The following PRKN variants were observed in gnomAD, a reference collection of about 807,000 sequenced individuals.
PRKN encodes the protein E3 ubiquitin-protein ligase parkin.
Under a neutral mutation model 59.5 loss-of-function variants are expected in PRKN, and 56 were observed. That is an observed-to-expected ratio of 0.94 (90% CI 0.76 to 1.18). The LOEUF (loss-of-function observed/expected upper bound fraction) is 1.18. PRKN is among the 50% of genes most tolerant of loss of function. The pLI is 0.00. For missense variants in PRKN, 657 were observed against 596.4 expected, an observed-to-expected ratio of 1.10 and a Z score of -1.06; for synonymous variants, 250 against 222.1, an observed-to-expected ratio of 1.13 and a Z score of -1.12.
intron 1 of PRKN, among the ~76,000 whole-genome samples, chr6:162,599,736 A>T (rs1781628804): frequency 6.6e-6 from 1 of 152,178 alleles, no homozygotes; most frequent in African/African-American, 2.4e-5. Context: ...GTCAGCGTAA[A>T]TATGAAGCAG....
intron 7 of PRKN, among the ~76,000 whole-genome samples, chr6:161,654,458 C>A (rs558391837): frequency 6.6e-6 from 1 of 152,106 alleles, no homozygotes; most frequent in Admixed American, 6.5e-5. Context: ...AAGCCTGGCC[C>A]CTGCAATGCC....
chr6:162,583,307 T>C (rs530007584), intron 1 of PRKN, among the ~76,000 whole-genome samples: 3 of 152,348 alleles, frequency 2.0e-5, no homozygotes, highest in South Asian at 2.1e-4. Flanking sequence ...ACAATGACCA[T>C]TCTATGTGGC....
chr6:162,294,169 A>G (rs2128110378), intron 2 of PRKN, among the ~76,000 whole-genome samples: 1 of 152,228 alleles, frequency 6.6e-6, no homozygotes, highest in South Asian at 2.1e-4. Context: ...CAAATGTACT[A>G]AGAGTTCATG....
intron 5 of PRKN, among the ~76,000 whole-genome samples, chr6:162,020,816 T>C (rs1030922367): frequency 6.6e-6 from 1 of 151,972 alleles, no homozygotes; most frequent in Admixed American, 6.5e-5. Flanking sequence ...TGTTAAAATA[T>C]GTAATGGGCC....
At position 161,634,642 on chromosome 6, in the gene PRKN, G is replaced by T. The variant is rs140889151; in HGVS notation, c.872-65226C>A. 3.8e-3 allele frequency among the ~76,000 whole-genome samples: 578 copies of T among 152,222 alleles called. 4 individuals are homozygous for T. Among genetic ancestry groups the T allele is most frequent in the African/African-American group, 0.013 (535 of 41,552 alleles). On this transcript the variant is annotated intron_variant, in intron 7 of 11. Transcript: ENST00000366898. ...CGAGGATGGAAGTTGAGGTGGGCTC[G>T]CCATCCTTTGGGGTTGGTCTTCCCA... is the stretch of plus-strand genomic sequence containing the variant.
intron 2 of PRKN, among the ~76,000 whole-genome samples, chr6:162,281,523 C>T (rs928142768): frequency 6.6e-6 from 1 of 152,040 alleles, no homozygotes; most frequent in Admixed American, 6.6e-5. Flanking sequence ...ATCTAACCTG[C>T]TATATCCTAC....
At chr6:161,590,258 G>A (rs565947469) in intron 7 of PRKN, among the ~76,000 whole-genome samples, 2 of 152,260 alleles carry the variant, frequency 1.3e-5, no homozygotes, top group South Asian at 4.1e-4. Context: ...GACACTGTGT[G>A]CCTACTGAGA....
intron 9 of PRKN, among the ~76,000 whole-genome samples, chr6:161,507,140 T>G (rs1355893486): frequency 2.0e-5 from 3 of 152,208 alleles, no homozygotes; most frequent in East Asian, 3.8e-4. Context: ...TCCTGAAAGA[T>G]CTGAACTTTT....
At chr6:161,757,904 C>T (rs535353051) in intron 7 of PRKN, among the ~76,000 whole-genome samples, 13 of 115,080 alleles carry the variant, frequency 1.1e-4, no homozygotes, top group East Asian at 1.1e-3. Flanking sequence ...CACACACACA[C>T]ACACACACAC....
At chr6:162,294,117 T>TAC (rs77718164) in intron 2 of PRKN, among the ~76,000 whole-genome samples, 4,166 of 151,270 alleles carry the variant, frequency 0.028, 200 homozygotes, top group African/African-American at 0.096. Flanking sequence ...AGAGGCATCA[T>TAC]TGGGAGGCAG....
chr6:161,411,366 T>C (rs980694071), intron 9 of PRKN, among the ~76,000 whole-genome samples: 3 of 152,202 alleles, frequency 2.0e-5, no homozygotes, highest in Non-Finnish European at 4.4e-5. Flanking sequence ...CCTGCCGCCA[T>C]GTAAGACATG....
chr6:161,978,873 G>A (rs1011262150), intron 5 of PRKN, among the ~76,000 whole-genome samples: 4 of 152,222 alleles, frequency 2.6e-5, no homozygotes, highest in Admixed American at 2.6e-4. Context: ...GAGTATTCTG[G>A]GGGAGCAGCC....
At chr6:162,304,604 C>A (rs969840498) in intron 2 of PRKN, among the ~76,000 whole-genome samples, 5 of 150,450 alleles carry the variant, frequency 3.3e-5, no homozygotes, top group Admixed American at 2.0e-4. Flanking sequence ...TCTATACTTC[C>A]CCCACACTTA....
intron 9 of PRKN, among the ~76,000 whole-genome samples, chr6:161,443,329 C>T (rs1407652561): frequency 6.9e-6 from 1 of 144,276 alleles, no homozygotes; most frequent in Non-Finnish European, 1.5e-5. Context: ...AAAAAAAAAT[C>T]AGGGAGTGAA....
At chr6:161,479,478 CA>C (rs1279049337) in intron 9 of PRKN, among the ~76,000 whole-genome samples, 1 of 152,034 alleles carries the variant, frequency 6.6e-6, no homozygotes, top group Non-Finnish European at 1.5e-5. Flanking sequence ...AATCAGAACG[CA>C]AGCAGCAATG....
At chr6:161,677,938 T>C (rs947039705) in intron 7 of PRKN, among the ~76,000 whole-genome samples, 8 of 152,184 alleles carry the variant, frequency 5.3e-5, no homozygotes, top group Non-Finnish European at 1.2e-4. Context: ...TGAAGTGAAC[T>C]GGGCAAAAAA....
At position 161,488,498 on chromosome 6, in the gene PRKN, A is replaced by C. The variant is rs1777418961; in HGVS notation, c.1083+60356T>G. Among the ~76,000 whole-genome samples, 1 of 152,200 alleles carries C rather than the reference A, an allele frequency of 6.6e-6. No individual in the cohort carries two copies. The highest frequency in any genetic ancestry group is 2.4e-5 in the African/African-American group (1 of 41,454). On this transcript the variant is annotated intron_variant, in intron 9 of 11. Transcript: ENST00000366898. This position sits in a 1 kb window ranked among gnomAD's most constrained non-coding sequence, Gnocchi z 4.5. ...CATCTGAATTTATTATATTTTAATT[A>C]ATTTTTTTAGAGATAGGGTCTTCCT...
intron 9 of PRKN, among the ~76,000 whole-genome samples, chr6:161,406,428 C>T (rs555194785): frequency 2.6e-5 from 4 of 152,132 alleles, no homozygotes; most frequent in Admixed American, 6.6e-5. Flanking sequence ...TCTTTTAGGG[C>T]GAGATGTCTG....
At chr6:162,002,108 C>A (rs1436368033) in intron 5 of PRKN, among the ~76,000 whole-genome samples, 2 of 151,900 alleles carry the variant, frequency 1.3e-5, no homozygotes, top group Admixed American at 1.3e-4. Flanking sequence ...AGATCTTGGT[C>A]TGTAGTTTTC....
Sources: gnomAD v4.1 joint callset for allele counts (sites outside exome capture counted in the v4.1 genomes callset) on GRCh38, gnomAD v4.1.1 for gene constraint, Gnocchi (gnomAD v3.1) non-coding constraint, MANE v1.5 for transcripts, NCBI Gene and HGNC (gene_info 2026-07-23, HGNC 2026-07-21) for gene names.